The following NKAIN3 variants were observed in gnomAD, a reference collection of about 807,000 sequenced individuals.
The protein encoded by NKAIN3 is sodium/potassium-transporting ATPase subunit beta-1-interacting protein 3.
In NKAIN3, 25 loss-of-function variants were observed where a neutral mutation model predicts 30.2. That is an observed-to-expected ratio of 0.83 (90% confidence interval 0.60 to 1.16). The LOEUF (loss-of-function observed/expected upper bound fraction) is 1.16. NKAIN3 is among the 50% of genes most tolerant of loss of function. The pLI, the probability that NKAIN3 is intolerant of heterozygous loss-of-function variation, is 0.00. For synonymous variants in NKAIN3, 91 were observed against 89.6 expected (o/e 1.02, Z -0.09); for missense variants, 225 against 254.1 (o/e 0.89, Z 0.78).
intron 5 of NKAIN3, chr8:62,991,116 G>C (rs1204160461): frequency 1.3e-5 from 2 of 152,288 alleles, no homozygotes; most frequent in Admixed American, 6.5e-5. Flanking sequence ...CAATGTTCAG[G>C]GAACTGAGAG....
chr8:62,542,956 C>T (rs1808891717), intron 1 of NKAIN3, among the ~76,000 whole-genome samples: 1 of 152,124 alleles, frequency 6.6e-6, no homozygotes, highest in South Asian at 2.1e-4. Context: ...TTCAGAGTTG[C>T]CATGGCTCTT....
At chr8:62,861,953 C>T (rs1820253315) in intron 4 of NKAIN3, among the ~76,000 whole-genome samples, 1 of 152,194 alleles carries the variant, frequency 6.6e-6, no homozygotes, top group Non-Finnish European at 1.5e-5. Context: ...CATAACTAGC[C>T]AGAATCATGA....
chr8:62,761,355 G>T (rs1816656736), intron 4 of NKAIN3, among the ~76,000 whole-genome samples: 1 of 152,016 alleles, frequency 6.6e-6, no homozygotes, highest in Non-Finnish European at 1.5e-5. Context: ...GAGGACGGGG[G>T]TGGATTGGTC....
At chr8:62,546,591 T>C (rs966495065) in intron 1 of NKAIN3, among the ~76,000 whole-genome samples, 1 of 152,192 alleles carries the variant, frequency 6.6e-6, no homozygotes, top group African/African-American at 2.4e-5. Context: ...TGTGTATTAC[T>C]TTGGTGAATT....
intron 3 of NKAIN3, among the ~76,000 whole-genome samples, chr8:62,735,468 A>T (rs565540478): frequency 6.7e-6 from 1 of 148,542 alleles, no homozygotes; most frequent in African/African-American, 2.5e-5. Context: ...CATTTCTCTG[A>T]GTGTGTCCTT....
At chr8:62,478,524 A>G (rs963387077) in intron 1 of NKAIN3, among the ~76,000 whole-genome samples, 2 of 152,200 alleles carry the variant, frequency 1.3e-5, no homozygotes, top group African/African-American at 4.8e-5. Context: ...TGACTCTACC[A>G]ACACTAAGTC....
intron 4 of NKAIN3, among the ~76,000 whole-genome samples, chr8:62,833,464 C>A (rs1226084246): frequency 6.6e-6 from 1 of 151,754 alleles, no homozygotes; most frequent in Non-Finnish European, 1.5e-5. Context: ...AAGGTCCTAA[C>A]AGGCAAAATC....
chr8:62,600,541 G>A (rs1431350499), intron 3 of NKAIN3, among the ~76,000 whole-genome samples: 1 of 152,034 alleles, frequency 6.6e-6, no homozygotes, highest in Admixed American at 6.6e-5. Flanking sequence ...GCAGTAAACT[G>A]AGATGTCAGG....
intron 1 of NKAIN3, among the ~76,000 whole-genome samples, chr8:62,255,740 C>T (rs372561716): frequency 6.6e-6 from 1 of 152,170 alleles, no homozygotes; most frequent in African/African-American, 2.4e-5. Flanking sequence ...GTTAAGTTCT[C>T]AGGCCAGCAG....
chr8:62,803,287 C>T (rs1219425300), intron 4 of NKAIN3, among the ~76,000 whole-genome samples: 1 of 152,156 alleles, frequency 6.6e-6, no homozygotes, highest in Non-Finnish European at 1.5e-5. Flanking sequence ...ACAGAACTCT[C>T]CACCCCAAAT....
chr8:62,703,831 T>C (rs1330768299), intron 3 of NKAIN3, among the ~76,000 whole-genome samples: 1 of 152,232 alleles, frequency 6.6e-6, no homozygotes, highest in African/African-American at 2.4e-5. Context: ...ATTATATTCT[T>C]TCTATATTCT....
At chr8:62,506,144 A>G (rs371003002) in intron 1 of NKAIN3, among the ~76,000 whole-genome samples, 1,782 of 27,166 alleles carry the variant, frequency 0.066, 37 homozygotes, top group African/African-American at 0.1. Flanking sequence ...ACCTCCCCAT[A>G]ACAAGATCCT....
chr8:62,919,354 C>G (rs1235918616), intron 5 of NKAIN3, among the ~76,000 whole-genome samples: 3 of 145,244 alleles, frequency 2.1e-5, no homozygotes, highest in African/African-American at 7.7e-5. Flanking sequence ...ACACCATTCT[C>G]CTGCCTCAGC....
chr8:62,554,874 CTGTT>C (rs199595068), intron 1 of NKAIN3, among the ~76,000 whole-genome samples: 1 of 152,152 alleles, frequency 6.6e-6, no homozygotes, highest in East Asian at 1.9e-4. Context: ...CACTCACTCT[CTGTT>C]TGTATGTATG....
In NKAIN3 at chr8:62,855,839, T is replaced by A. The variant is rs186717769; in HGVS notation, c.472-62614T>A. The A allele has an allele frequency of 5.9e-4, 476 of 812,462 alleles. 1 individual carries two copies. In the East Asian group the frequency reaches 0.011, roughly 18 times the overall value. The allele number at this position is 812,462 out of a possible 1,614,324, so 50.3% of individuals were successfully genotyped here. A position where few individuals can be genotyped will look rare whatever the true frequency, so the allele number is the denominator to read the frequency against. On this transcript the variant is annotated intron_variant, in intron 4 of 6. Transcript: ENST00000623646. ...GGAATCCTGGAGGAGTCACCAGAAA[T>A]TTCTGGTCATCCAACTCCTCTTCCT...
intron 4 of NKAIN3, chr8:62,855,507 G>C: frequency 7.1e-7 from 1 of 1,405,156 alleles, no homozygotes; most frequent in Non-Finnish European, 1.0e-6. Context: ...TTCCCTTCAG[G>C]ATTGTAATCT....
chr8:62,297,750 T>G (rs1359665562), intron 1 of NKAIN3, among the ~76,000 whole-genome samples: 1 of 152,198 alleles, frequency 6.6e-6, no homozygotes, highest in East Asian at 1.9e-4. Flanking sequence ...TCAACCATTG[T>G]GGAAGTCAGT....
chr8:62,958,535 G>T (rs1213115394), intron 6 of NKAIN3, among the ~76,000 whole-genome samples: 1 of 152,038 alleles, frequency 6.6e-6, no homozygotes, highest in Non-Finnish European at 1.5e-5. Context: ...AGAACCCAGT[G>T]GTCAGCAGCA....
At chr8:62,358,716 G>T (rs999019602) in intron 1 of NKAIN3, among the ~76,000 whole-genome samples, 2 of 152,076 alleles carry the variant, frequency 1.3e-5, no homozygotes, top group Non-Finnish European at 2.9e-5. Context: ...AAGACCAATT[G>T]CTTGTGTAAG....
Sources: gnomAD v4.1 joint callset for allele counts (sites outside exome capture counted in the v4.1 genomes callset) on GRCh38, gnomAD v4.1.1 for gene constraint, MANE v1.5 for transcripts, NCBI Gene and HGNC (gene_info 2026-07-23, HGNC 2026-07-21) for gene names.